The following GPR137B variants were observed in gnomAD, a reference collection of about 807,000 sequenced individuals.
GPR137B encodes G protein-coupled receptor 137B.
GPR137B carries 42 observed loss-of-function variants against 42.5 expected under a neutral mutation model. That is an observed-to-expected ratio of 0.99 (90% CI 0.77 to 1.28). GPR137B has a LOEUF of 1.28. Among genes scored for constraint, GPR137B ranks in the 50% most tolerant of loss-of-function variants. The probability of loss-of-function intolerance (pLI) is 0.00; values close to 1 mark genes in which losing one functional copy is unlikely to be tolerated. For missense variants in GPR137B, 487 were observed against 493.9 expected (o/e 0.99, Z 0.13); for synonymous variants, 218 against 209.7 (o/e 1.04, Z -0.34).
intron 5 of GPR137B, 44 bp from the exon 6 acceptor site, chr1:236,205,082 G>T (rs971479422): frequency 3.9e-6 from 6 of 1,547,120 alleles, no homozygotes; most frequent in Non-Finnish European, 5.3e-6. Flanking sequence ...CTGGTGCAAG[G>T]CATGATGTCT....
chr1:236,178,791 T>TTTTG (rs1558488565), intron 3 of GPR137B, among the ~76,000 whole-genome samples, 155 bp downstream of exon 3: 1 of 66,466 alleles, frequency 1.5e-5, no homozygotes, highest in Non-Finnish European at 3.0e-5. Context: ...CGAGGTTTTT[T>TTTTG]TTTTTTTTTT....
At chr1:236,143,299 G>A (rs1294838933) in intron 1 of GPR137B, among the ~76,000 whole-genome samples, 1 of 152,272 alleles carries the variant, frequency 6.6e-6, no homozygotes, top group Non-Finnish European at 1.5e-5. Flanking sequence ...CCCTGGCTCC[G>A]CATCGTGCGG....
chr1:236,180,142 A>G (rs1558489254), intron 4 of GPR137B, 114 bp downstream of exon 4: 1 of 785,338 alleles, frequency 1.3e-6, no homozygotes, highest in Non-Finnish European at 2.2e-6. Flanking sequence ...TCCCTGATAT[A>G]AAATGGTGTA....
At chr1:236,194,409 C>T (rs1182852050) in intron 5 of GPR137B, among the ~76,000 whole-genome samples, 2 of 152,136 alleles carry the variant, frequency 1.3e-5, no homozygotes, top group African/African-American at 4.8e-5. Context: ...TATTCTTAAA[C>T]TATTAAAAAG....
At chr1:236,160,283 C>A (rs1019467081) in intron 1 of GPR137B, among the ~76,000 whole-genome samples, 11 of 152,156 alleles carry the variant, frequency 7.2e-5, no homozygotes, top group Non-Finnish European at 2.9e-5. Flanking sequence ...CTGTGTGGAG[C>A]CCAAGGAAGG....
intron 2 of GPR137B, among the ~76,000 whole-genome samples, chr1:236,175,488 G>A (rs1019756526): frequency 6.6e-6 from 1 of 152,332 alleles, no homozygotes; most frequent in South Asian, 2.1e-4. Context: ...CTGCTGCATG[G>A]AGTGTGTGTA....
rs10581092 is a variant in GPR137B at position 236,164,886 on chromosome 1, A to AAG, written c.415-3786_415-3785dup. ...GCTTGAATAGTGCCCAGATGAATTC[A>AAG]AGAGAGAGAGAGAGAGAGAGAGAGA... On this transcript the variant is annotated intron_variant, in intron 1 of 6. Transcript: ENST00000366592. Among the ~76,000 whole-genome samples, 976 of 143,950 alleles carry AAG rather than the reference A, an allele frequency of 6.8e-3. 7 individuals carry two copies. Among genetic ancestry groups the AAG allele is most frequent in the Middle Eastern group, 0.011 (3 of 284 alleles). The allele number at this position is 143,950 out of a possible 152,430, so 94.4% of individuals were successfully genotyped here.
chr1:236,206,662 C>T (rs917500550), intron 6 of GPR137B, among the ~76,000 whole-genome samples: 1 of 152,118 alleles, frequency 6.6e-6, no homozygotes, highest in Non-Finnish European at 1.5e-5. Context: ...AGAGATCCAC[C>T]CCAGGATTCC....
At position 236,156,906 on chromosome 1, in the gene GPR137B, G is replaced by A. The variant is rs1662048483; in HGVS notation, c.415-11800G>A. Among the ~76,000 whole-genome samples, 1 of 152,202 alleles carries A rather than the reference G, an allele frequency of 6.6e-6. No individual in the cohort carries two copies. The highest frequency in any genetic ancestry group is 2.4e-5 in the African/African-American group (1 of 41,452). On this transcript the variant is annotated intron_variant, in intron 1 of 6. Coordinates refer to ENST00000366592, the MANE Select transcript of GPR137B (RefSeq NM_003272.4). The surrounding 1 kb of genome is among the most constrained non-coding windows in gnomAD (Gnocchi z 4.8). ...GTATGAAAGTTCCTTTTATGGTTAG[G>A]ATAGCATCTGTGGTCACAGTTTAGT...
chr1:236,183,783 T>G lies in GPR137B; in HGVS notation c.843T>G (p.Asp281Glu). The G allele has an allele frequency of 1.2e-6, 2 of 1,607,766 alleles. No individual in the cohort carries two copies. Among genetic ancestry groups the G allele is most frequent in the South Asian group, 2.2e-5 (2 of 90,266 alleles). The change falls in exon 5 of 7, where the codon GAT becomes GAG. Residue 281 changes from aspartate to glutamate, a missense_variant. Asp to Glu is a conservative substitution (Grantham distance 45). Coordinates refer to ENST00000366592, the MANE Select transcript of GPR137B (RefSeq NM_003272.4). ...YDWYNVSDQA[D>E]LKNQLGDAGY... The stretch of plus-strand genomic sequence containing the variant: ...TCCCTGTCTGTTTCTAACAGGCAGA[T>G]TTGAAGAATCAGCTGGGAGATGCTG...
chr1:236,165,705 T>G (rs1030690729), intron 1 of GPR137B, among the ~76,000 whole-genome samples: 2 of 152,262 alleles, frequency 1.3e-5, no homozygotes, highest in Non-Finnish European at 2.9e-5. Flanking sequence ...CAAATAGATT[T>G]GGAAAACCGC....
intron 5 of GPR137B, among the ~76,000 whole-genome samples, chr1:236,194,351 G>T (rs970914573): frequency 1.3e-5 from 2 of 152,052 alleles, no homozygotes; most frequent in Non-Finnish European, 2.9e-5. Context: ...TTTTGTATAT[G>T]GTGTGAGATA....
chr1:236,174,878 G>A (rs1662639991), intron 2 of GPR137B, among the ~76,000 whole-genome samples: 1 of 152,114 alleles, frequency 6.6e-6, no homozygotes, highest in Non-Finnish European at 1.5e-5. Context: ...TTGAGTTTGG[G>A]ACATGCTGGC....
intron 5 of GPR137B, among the ~76,000 whole-genome samples, chr1:236,193,037 G>A (rs1161773622): frequency 4.6e-5 from 7 of 152,052 alleles, no homozygotes; most frequent in Admixed American, 3.9e-4. Context: ...TGGGATTACA[G>A]GTGCCTGCTA....
chr1:236,197,464 G>A (rs1170026134), intron 5 of GPR137B, among the ~76,000 whole-genome samples: 1 of 152,094 alleles, frequency 6.6e-6, no homozygotes, highest in African/African-American at 2.4e-5. Context: ...CTTTGCCTAA[G>A]ACAATGTCTA....
At chr1:236,207,526 C>T (rs563926049) in intron 6 of GPR137B, among the ~76,000 whole-genome samples, 1 of 152,150 alleles carries the variant, frequency 6.6e-6, no homozygotes, top group Non-Finnish European at 1.5e-5. Context: ...AAGACAAGAC[C>T]CCCTTTCTAC....
rs150433502 is a variant in GPR137B at position 236,191,863 on chromosome 1, G to C, written c.966+7957G>C. On this transcript the variant is annotated intron_variant, in intron 5 of 6. Transcript: ENST00000366592. The stretch of plus-strand genomic sequence containing the variant: ...GCAGAGCCTGAACGCTGTGCTGAGA[G>C]ATCTCCTTCTCTCTTCAGAGCCATC... Among the ~76,000 whole-genome samples the C allele has an allele frequency of 2.0e-3, 305 of 152,328 alleles. 2 individuals carry two copies. Among genetic ancestry groups the C allele is most frequent in the Admixed American group, 0.018 (276 of 15,300 alleles).
intron 1 of GPR137B, among the ~76,000 whole-genome samples, chr1:236,167,793 G>A (rs897076642): frequency 1.5e-4 from 23 of 152,116 alleles, no homozygotes; most frequent in Non-Finnish European, 1.3e-4. Context: ...TCTCCAGCAC[G>A]TGCTGTAGCA....
At position 236,150,333 on chromosome 1, in the gene GPR137B, G is replaced by A. The variant is rs952713235; in HGVS notation, c.414+7297G>A. 2.6e-5 allele frequency among the ~76,000 whole-genome samples: 4 copies of A among 151,452 alleles called. No homozygotes were observed. Among genetic ancestry groups the A allele is most frequent in the African/African-American group, 7.3e-5 (3 of 41,160 alleles). On this transcript the variant is annotated intron_variant, in intron 1 of 6. Coordinates refer to ENST00000366592, the MANE Select transcript of GPR137B (RefSeq NM_003272.4). The surrounding 1 kb of genome is among the most constrained non-coding windows in gnomAD (Gnocchi z 6.2). ...TGTGCCTGTGTGTGTGTCTGTGCAT[G>A]TGTGTGCCTGTGTGTGTGGAAAGGT...
Sources: gnomAD v4.1 joint callset for allele counts (sites outside exome capture counted in the v4.1 genomes callset) on GRCh38, gnomAD v4.1.1 for gene constraint, Gnocchi (gnomAD v3.1) non-coding constraint, MANE v1.5 for transcripts, NCBI Gene and HGNC (gene_info 2026-07-23, HGNC 2026-07-21) for gene names.